Variants in TLCD4 observed in about 807,000 individuals in gnomAD.
TLCD4 encodes TLC domain-containing protein 4.
Under a neutral mutation model 24.2 loss-of-function variants are expected in TLCD4, and 7 were observed. The ratio of observed to expected loss-of-function variants is 0.29; its 90% CI spans 0.16 to 0.54. The LOEUF (loss-of-function observed/expected upper bound fraction) is 0.54, where lower values mean the gene tolerates loss of function less well. Among genes scored for constraint, TLCD4 ranks in the 20% least tolerant of loss-of-function variants. The pLI is 0.95. For synonymous variants in TLCD4, 103 were observed against 106.4 expected (o/e 0.97, Z 0.20); for missense variants, 259 against 313.9 (o/e 0.82, Z 1.32).
At chr1:95,101,382 G>T in the TLCD4 span, among the ~76,000 whole-genome samples, 1 of 151,514 alleles carries the variant, frequency 6.6e-6, no homozygotes, top group Non-Finnish European at 1.5e-5. Context: ...GGGACTACAG[G>T]TGCGTGCCAT....
chr1:95,173,723 A>T lies in TLCD4; in HGVS notation c.400-93A>T, dbSNP rs569489120. The T allele has an allele frequency of 9.1e-6, 14 of 1,536,240 alleles. No homozygotes were observed. In the East Asian group the frequency reaches 3.2e-4, roughly 35 times the overall value. On this transcript the variant is annotated intron_variant, in intron 5 of 6. Transcript: ENST00000370203. ...GATCTGTTTTGGTATTGATTGTTAT[A>T]TTATGCTGAGAAGCTATTGGATATT...
At chr1:95,105,903 A>C in the TLCD4 span, among the ~76,000 whole-genome samples, 19 of 150,206 alleles carry the variant, frequency 1.3e-4, 2 homozygotes, top group Middle Eastern at 3.4e-3. Flanking sequence ...TTAAAAAAAA[A>C]AAAAAAAAAG....
At chr1:95,136,926 C>T (rs1237017119) in intron 1 of TLCD4, among the ~76,000 whole-genome samples, 2 of 151,888 alleles carry the variant, frequency 1.3e-5, no homozygotes, top group Non-Finnish European at 2.9e-5. Flanking sequence ...TCAACTTGGG[C>T]GAAGTAGAAC....
chr1:95,160,333 T>G (rs1677752099), intron 5 of TLCD4, among the ~76,000 whole-genome samples: 1 of 152,244 alleles, frequency 6.6e-6, no homozygotes. Flanking sequence ...ATAGGAATGC[T>G]TGCGATTTTT....
intron 1 of TLCD4, among the ~76,000 whole-genome samples, chr1:95,138,768 G>GT (rs1677115794): frequency 6.6e-6 from 1 of 151,966 alleles, no homozygotes; most frequent in Non-Finnish European, 1.5e-5. Flanking sequence ...AAGTATTTGT[G>GT]TATCTAAATT....
chr1:95,115,474 ATTC>A (rs1265835211), upstream of TLCD4, among the ~76,000 whole-genome samples: 1 of 152,198 alleles, frequency 6.6e-6, no homozygotes, highest in Non-Finnish European at 1.5e-5. Context: ...CAGTTGATGT[ATTC>A]TTCTACCTCC....
At chr1:95,142,646 A>G (rs562457849) in intron 1 of TLCD4, among the ~76,000 whole-genome samples, 3 of 152,010 alleles carry the variant, frequency 2.0e-5, no homozygotes, top group Non-Finnish European at 4.4e-5. Context: ...ACCCCATGCA[A>G]ATGAAGTAGT....
At chr1:95,165,811 C>T (rs569297448) in intron 5 of TLCD4, among the ~76,000 whole-genome samples, 1 of 152,290 alleles carries the variant, frequency 6.6e-6, no homozygotes, top group South Asian at 2.1e-4. Flanking sequence ...TGCCAAAATT[C>T]TCTTCAGAGA....
upstream of TLCD4, among the ~76,000 whole-genome samples, chr1:95,114,310 A>G (rs1676389993): frequency 6.6e-6 from 1 of 152,224 alleles, no homozygotes; most frequent in African/African-American, 2.4e-5. Flanking sequence ...GCTTGGGGTT[A>G]TTCATTTTTT....
the TLCD4 span, among the ~76,000 whole-genome samples, chr1:95,111,453 C>T: frequency 1.1e-4 from 16 of 152,144 alleles, no homozygotes; most frequent in East Asian, 3.9e-4. Context: ...AATTATGGAA[C>T]GACCAGAGGT....
chr1:95,171,032 A>C (rs921874165), intron 5 of TLCD4, among the ~76,000 whole-genome samples: 2 of 148,778 alleles, frequency 1.3e-5, no homozygotes, highest in East Asian at 4.0e-4. Context: ...GAGGGCTCAG[A>C]CATTTGTGCT....
chr1:95,150,118 A>C, intron 3 of TLCD4, 90 bp from the exon 4 acceptor site: 1 of 1,460,874 alleles, frequency 6.8e-7, no homozygotes, highest in Non-Finnish European at 9.1e-7. Flanking sequence ...ATAGAAAGCA[A>C]TTTTATTATA....
At chr1:95,118,716 G>C (rs1455442169) in intron 1 of TLCD4, among the ~76,000 whole-genome samples, 1 of 152,184 alleles carries the variant, frequency 6.6e-6, no homozygotes, top group Admixed American at 6.5e-5. Flanking sequence ...GCCGATTAAG[G>C]TAATAAGTTA....
At position 95,197,137 on chromosome 1, in the gene TLCD4, A is replaced by G. The variant is rs1679228645; in HGVS notation, c.*5269A>G. 1 of 152,170 alleles carries G rather than the reference A, an allele frequency of 6.6e-6. No individual in the cohort carries two copies. The highest frequency in any genetic ancestry group is 1.5e-5 in the Non-Finnish European group (1 of 68,016). 9.4% of individuals were successfully genotyped at this position (152,170 alleles called of 1,614,324 possible). On this transcript the variant is annotated 3_prime_UTR_variant, in exon 7 of 7. Coordinates refer to ENST00000370203, the MANE Select transcript of TLCD4 (RefSeq NM_152487.3). ...AGTCTTTCAAAATATACTTAATACCATTTTGAGAACATACCTTCTAATTTA... is the reference window on the plus strand; with the variant it reads ...AGTCTTTCAAAATATACTTAATACCGTTTTGAGAACATACCTTCTAATTTA...
At chr1:95,185,711 C>T (rs1278518718) in intron 6 of TLCD4, among the ~76,000 whole-genome samples, 1 of 152,084 alleles carries the variant, frequency 6.6e-6, no homozygotes, top group Non-Finnish European at 1.5e-5. Flanking sequence ...ACGTTTTTCT[C>T]TAGCTTTATT....
chr1:95,147,076 AT>A (rs573911821), intron 2 of TLCD4, among the ~76,000 whole-genome samples: 335 of 144,292 alleles, frequency 2.3e-3, no homozygotes, highest in African/African-American at 5.0e-3. Context: ...AAGGAATTTA[AT>A]TTTTTTTTTT....
upstream of TLCD4, among the ~76,000 whole-genome samples, chr1:95,114,441 G>GA (rs576681795): frequency 1.1e-4 from 17 of 151,584 alleles, no homozygotes; most frequent in East Asian, 2.1e-3. Context: ...ATAATTTTTA[G>GA]AAAAAAAACA....
chr1:95,159,860 T>C (rs1677733907), intron 5 of TLCD4, among the ~76,000 whole-genome samples: 1 of 152,212 alleles, frequency 6.6e-6, no homozygotes, highest in Non-Finnish European at 1.5e-5. Flanking sequence ...GTTCCATTGG[T>C]CAACATCTCT....
intron 1 of TLCD4, among the ~76,000 whole-genome samples, chr1:95,123,069 A>G (rs1039289151): frequency 2.0e-5 from 3 of 152,054 alleles, no homozygotes; most frequent in Non-Finnish European, 4.4e-5. Flanking sequence ...TTGGTATCCC[A>G]AAGTGCTGGG....
Sources: gnomAD v4.1 joint callset for allele counts (sites outside exome capture counted in the v4.1 genomes callset) on GRCh38, gnomAD v4.1.1 for gene constraint, MANE v1.5 for transcripts, NCBI Gene and HGNC (gene_info 2026-07-23, HGNC 2026-07-21) for gene names.